The following SGIP1 variants were observed in gnomAD, a reference collection of about 807,000 sequenced individuals.
SGIP1 encodes the protein SH3-containing GRB2-like protein 3-interacting protein 1.
Under a neutral mutation model 107.5 loss-of-function variants are expected in SGIP1, and 38 were observed. That is an observed-to-expected ratio of 0.35 (90% CI 0.27 to 0.46). The LOEUF is 0.46. Ranked by LOEUF, SGIP1 falls within the 20% of genes least tolerant of loss-of-function variation. The probability of loss-of-function intolerance (pLI) is 1.00; values close to 1 mark genes in which losing one functional copy is unlikely to be tolerated. For missense variants in SGIP1, 929 were observed against 1,019.5 expected (o/e 0.91, Z 1.21); for synonymous variants, 365 against 366.1 (o/e 1.00, Z 0.03).
At chr1:66,742,832 C>T (rs898576482) in intron 24 of SGIP1, among the ~76,000 whole-genome samples, 1 of 152,152 alleles carries the variant, frequency 6.6e-6, no homozygotes, top group Non-Finnish European at 1.5e-5. Context: ...CCAATCTATT[C>T]TGGGCAAACC....
At chr1:66,576,949 A>T (rs558495651) in intron 1 of SGIP1, among the ~76,000 whole-genome samples, 1 of 152,172 alleles carries the variant, frequency 6.6e-6, no homozygotes, top group Non-Finnish European at 1.5e-5. Flanking sequence ...CAGCTGGGTC[A>T]TGCCTGGTGC....
Position 66,589,210 on chromosome 1 carries a change from A to ATG in SGIP1, c.11-36636_11-36635insGT, listed in dbSNP as rs1351093715. Among the ~76,000 whole-genome samples, 261 of 68,996 alleles carry ATG rather than the reference A, an allele frequency of 3.8e-3. 10 individuals are homozygous for ATG. The highest frequency in any genetic ancestry group is 0.013 in the African/African-American group (233 of 18,504). 45.3% of individuals were successfully genotyped at this position (68,996 alleles called of 152,430 possible). ...TATATATATATATATATATATATAT[A>ATG]TATATATGTAAGGCTTGGGGTAAAG... On this transcript the variant is annotated intron_variant, in intron 1 of 24. Coordinates refer to ENST00000371037, the MANE Select transcript of SGIP1 (RefSeq NM_032291.4).
At position 66,746,018 on chromosome 1, in the gene SGIP1, T is replaced by A. The variant is rs754150743; in HGVS notation, c.*2923T>A. 1 of 152,158 alleles carries A rather than the reference T, an allele frequency of 6.6e-6. No homozygotes were observed. Among genetic ancestry groups the A allele is most frequent in the Non-Finnish European group, 1.5e-5 (1 of 67,984 alleles). The allele number at this position is 152,158 out of a possible 1,614,324, so 9.4% of individuals were successfully genotyped here. On this transcript the variant is annotated 3_prime_UTR_variant, in exon 25 of 25. Coordinates refer to ENST00000371037, the MANE Select transcript of SGIP1 (RefSeq NM_032291.4). The stretch of plus-strand genomic sequence containing the variant: ...TATTTCACCTGTAAAAGAAAGAATG[T>A]CCACAATTCAAACGGTTTTGAGTTA...
chr1:66,535,662 A>C (rs971981267), intron 1 of SGIP1, among the ~76,000 whole-genome samples: 2 of 152,222 alleles, frequency 1.3e-5, no homozygotes, highest in African/African-American at 4.8e-5. Flanking sequence ...TATGGAGCTG[A>C]GTCTTGTTTG....
At chr1:66,534,008 T>C (rs988708440), upstream of SGIP1, 1 of 317,192 alleles carries the variant, frequency 3.2e-6, no homozygotes, top group South Asian at 5.9e-5. Flanking sequence ...GGACGGGAAA[T>C]AGGTTCTGTG....
chr1:66,672,038 T>C, intron 11 of SGIP1, 43 bp downstream of exon 11: 2 of 1,591,080 alleles, frequency 1.3e-6, no homozygotes, highest in East Asian at 2.2e-5. Flanking sequence ...CAAGGCATCA[T>C]GAACTTTTAA....
chr1:66,656,274 C>T (rs2149637254), intron 7 of SGIP1, among the ~76,000 whole-genome samples: 1 of 152,308 alleles, frequency 6.6e-6, no homozygotes, highest in African/African-American at 2.4e-5. Context: ...GCTGTCACCT[C>T]CTCTGGTGAC....
chr1:66,681,465 G>T (rs1012338541), intron 14 of SGIP1, among the ~76,000 whole-genome samples: 2 of 152,170 alleles, frequency 1.3e-5, no homozygotes, highest in African/African-American at 4.8e-5. Context: ...TATTAGGCCA[G>T]ATTTTCAGAA....
At chr1:66,707,761 CTT>C (rs1436587769) in intron 18 of SGIP1, among the ~76,000 whole-genome samples, 8 of 152,088 alleles carry the variant, frequency 5.3e-5, no homozygotes, top group Non-Finnish European at 1.2e-4. Context: ...ATCTTTGGCC[CTT>C]TTAAGCCTGT....
intron 1 of SGIP1, among the ~76,000 whole-genome samples, chr1:66,551,478 T>A (rs1467297217): frequency 6.6e-6 from 1 of 152,206 alleles, no homozygotes; most frequent in African/African-American, 2.4e-5. Flanking sequence ...TCTGACTTTG[T>A]GGTTTGGAAA....
chr1:66,657,075 C>A (rs549713204), intron 7 of SGIP1, among the ~76,000 whole-genome samples: 5 of 152,234 alleles, frequency 3.3e-5, no homozygotes, highest in African/African-American at 1.2e-4. Context: ...ACTCAGGAGG[C>A]TGAGATGGGA....
At chr1:66,591,918 C>T (rs2063702230) in intron 1 of SGIP1, among the ~76,000 whole-genome samples, 2 of 152,158 alleles carry the variant, frequency 1.3e-5, no homozygotes, top group African/African-American at 4.8e-5. Flanking sequence ...TGACTTTACA[C>T]AAACATTTTA....
chr1:66,664,241 G>A (rs1031733700), intron 8 of SGIP1, among the ~76,000 whole-genome samples: 7 of 152,148 alleles, frequency 4.6e-5, no homozygotes, highest in African/African-American at 1.7e-4. Flanking sequence ...AGGTATTTAT[G>A]TGGCCTTTTT....
In SGIP1 at chr1:66,690,323, A is replaced by G; in HGVS notation, c.1570+7A>G. The G allele has an allele frequency of 6.8e-6, 11 of 1,613,816 alleles. No homozygotes were observed. The highest frequency in any genetic ancestry group is 1.3e-5 in the African/African-American group (1 of 74,980). Reference sequence around the variant, plus strand: ...GCCACCACTCCCACAGTTGGTAAAAATTCTCTCCTCTCTTTTAATCCGTTT... The same window carrying G: ...GCCACCACTCCCACAGTTGGTAAAAGTTCTCTCCTCTCTTTTAATCCGTTT... On this transcript the variant is annotated splice_region_variant and intron_variant, in intron 17 of 24. Coordinates refer to ENST00000371037, the MANE Select transcript of SGIP1 (RefSeq NM_032291.4).
chr1:66,549,133 ACCTGCCTT>A (rs929297946), intron 1 of SGIP1, among the ~76,000 whole-genome samples: 3 of 122,834 alleles, frequency 2.4e-5, no homozygotes, highest in Non-Finnish European at 5.2e-5. Flanking sequence ...CCTTCTGGCT[ACCTGCCTT>A]CCTTCCTTCC....
Position 66,725,457 on chromosome 1 carries a change from T to C in SGIP1, c.1743-3807T>C, listed in dbSNP as rs578229842. Among the ~76,000 whole-genome samples, 4 of 152,320 alleles carry C rather than the reference T, an allele frequency of 2.6e-5. No homozygotes were observed. The South Asian group carries it at 6.2e-4, about 24-fold the overall frequency. ...TATTAACATCAATTTCCCCAGAAAGTACATACCTGAACTTAGAGGTGAAGT... is the reference window on the plus strand; with the variant it reads ...TATTAACATCAATTTCCCCAGAAAGCACATACCTGAACTTAGAGGTGAAGT... On this transcript the variant is annotated intron_variant, in intron 19 of 24. Transcript: ENST00000371037.
At chr1:66,717,995 A>G (rs963231952) in intron 18 of SGIP1, among the ~76,000 whole-genome samples, 5 of 152,170 alleles carry the variant, frequency 3.3e-5, no homozygotes, top group Non-Finnish European at 7.4e-5. Flanking sequence ...AGTAGATATT[A>G]GATATTAGAT....
chr1:66,649,529 A>T (rs2078316225), intron 7 of SGIP1, among the ~76,000 whole-genome samples: 1 of 152,298 alleles, frequency 6.6e-6, no homozygotes, highest in South Asian at 2.1e-4. Flanking sequence ...TCCCTAAAGG[A>T]GGAGATAGAG....
chr1:66,577,329 T>A (rs1445177197), intron 1 of SGIP1, among the ~76,000 whole-genome samples: 1 of 152,218 alleles, frequency 6.6e-6, no homozygotes, highest in African/African-American at 2.4e-5. Flanking sequence ...TATCCAGGTC[T>A]ACATCATATA....
Sources: gnomAD v4.1 joint callset for allele counts (sites outside exome capture counted in the v4.1 genomes callset) on GRCh38, gnomAD v4.1.1 for gene constraint, MANE v1.5 for transcripts, NCBI Gene and HGNC (gene_info 2026-07-23, HGNC 2026-07-21) for gene names.